The following PCDHGA10 variants were observed in gnomAD, a reference collection of about 807,000 sequenced individuals.
The protein encoded by PCDHGA10 is protocadherin gamma subfamily A, 10, also known as protocadherin gamma-A10.
In PCDHGA10, 42 loss-of-function variants were observed where a neutral mutation model predicts 59.5. The observed-to-expected ratio is 0.71, with a 90% CI of 0.55 to 0.91. The LOEUF (loss-of-function observed/expected upper bound fraction) is 0.91. Among genes scored for constraint, PCDHGA10 ranks in the 40% least tolerant of loss-of-function variants. PCDHGA10 has a pLI of 0.00. For missense variants in PCDHGA10, 1,111 were observed against 1,198.2 expected (o/e 0.93, Z 1.07); for synonymous variants, 511 against 517.2 (o/e 0.99, Z 0.16).
chr5:141,422,869 T>A, intron 1 of PCDHGA10: 2 of 1,614,202 alleles, frequency 1.2e-6, no homozygotes, highest in Non-Finnish European at 1.7e-6. Context: ...CAGCAACGTG[T>A]CGCTGAGCCT....
chr5:141,478,672 A>G (rs1216792401), intron 1 of PCDHGA10: 22 of 1,551,540 alleles, frequency 1.4e-5, no homozygotes, highest in Admixed American at 2.0e-5. Flanking sequence ...CACACTTTCA[A>G]CTGGCCCTTC....
At chr5:141,421,257 C>T (rs944057868) in intron 1 of PCDHGA10, 1 of 1,608,520 alleles carries the variant, frequency 6.2e-7, no homozygotes, top group African/African-American at 1.3e-5. Context: ...GCGGGGACCG[C>T]AGTCGGCTGC....
In PCDHGA10 at chr5:141,491,225, T is replaced by G. The variant is rs764111440; in HGVS notation, c.2437-3582T>G. The stretch of plus-strand genomic sequence containing the variant: ...CCTTCACTCTCCTCCACAGCCACAG[T>G]GCTGCTGGTTCTGGAGGATGAGGAC... On this transcript the variant is annotated intron_variant, in intron 1 of 3. Transcript: ENST00000398610. This position sits in a 1 kb window ranked among gnomAD's most constrained non-coding sequence, Gnocchi z 6.9. 6.2e-7 allele frequency: 1 copy of G among 1,614,232 alleles called. No individual in the cohort carries two copies. Among genetic ancestry groups the G allele is most frequent in the Non-Finnish European group, 8.5e-7 (1 of 1,180,028 alleles).
At chr5:141,501,016 G>A (rs1042009106) in intron 2 of PCDHGA10, among the ~76,000 whole-genome samples, 7 of 151,716 alleles carry the variant, frequency 4.6e-5, no homozygotes, top group Non-Finnish European at 1.0e-4. Context: ...CTACAGGCAC[G>A]CGCCACCACG....
intron 1 of PCDHGA10, among the ~76,000 whole-genome samples, chr5:141,464,155 C>T (rs2099076990): frequency 1.3e-5 from 2 of 151,614 alleles, no homozygotes; most frequent in African/African-American, 4.8e-5. Flanking sequence ...GTCCCAGCTA[C>T]TTGGAAGGCT....
chr5:141,450,468 A>G (rs1187171122), intron 1 of PCDHGA10, among the ~76,000 whole-genome samples: 2 of 151,696 alleles, frequency 1.3e-5, no homozygotes, highest in African/African-American at 4.9e-5. Flanking sequence ...TTTTATATAT[A>G]GAGTTTGTTT....
chr5:141,428,658 T>G (rs932328483), intron 1 of PCDHGA10: 1 of 165,620 alleles, frequency 6.0e-6, no homozygotes, highest in Non-Finnish European at 1.3e-5. Flanking sequence ...TGAGTTCCAA[T>G]GAATGTCTTT....
intron 2 of PCDHGA10, among the ~76,000 whole-genome samples, chr5:141,502,478 A>G (rs2099814452): frequency 6.6e-6 from 1 of 150,896 alleles, no homozygotes; most frequent in Non-Finnish European, 1.5e-5. Flanking sequence ...CCGCAGCATC[A>G]CACTGGGACT....
At chr5:141,495,007 G>A in intron 2 of PCDHGA10, 142 bp downstream of exon 2, 4 of 1,522,158 alleles carry the variant, frequency 2.6e-6, no homozygotes, top group Non-Finnish European at 3.5e-6. Context: ...TTGGTGTGCG[G>A]GGGGCTGGCA....
In PCDHGA10 at chr5:141,429,386, T is replaced by A. The variant is rs534045300; in HGVS notation, c.2436+13775T>A. Among the ~76,000 whole-genome samples the A allele has an allele frequency of 4.0e-3, 602 of 151,936 alleles. 6 individuals carry two copies. The highest frequency in any genetic ancestry group is 0.011 in the Admixed American group (171 of 15,268). On this transcript the variant is annotated intron_variant, in intron 1 of 3. Coordinates refer to ENST00000398610, the MANE Select transcript of PCDHGA10 (RefSeq NM_018913.3). ...AAAATGGAGAAAATGTGTTTTTTTTTTAAAAAAAATTGAGATTAAGGTCTC... is the reference window on the plus strand; with the variant it reads ...AAAATGGAGAAAATGTGTTTTTTTTATAAAAAAAATTGAGATTAAGGTCTC...
intron 1 of PCDHGA10, among the ~76,000 whole-genome samples, chr5:141,472,131 A>C (rs565506002): frequency 6.6e-6 from 1 of 152,264 alleles, no homozygotes; most frequent in Non-Finnish European, 1.5e-5. Flanking sequence ...AGAGAAGTTA[A>C]AAATAAAAGT....
At chr5:141,430,980 T>C in intron 1 of PCDHGA10, 1 of 1,613,618 alleles carries the variant, frequency 6.2e-7, no homozygotes, top group African/African-American at 1.3e-5. Context: ...AGGACGCAGC[T>C]TTTCGCCCTG....
At position 141,505,629 on chromosome 5, in the gene PCDHGA10, C is replaced by T. The variant is rs1475582931; in HGVS notation, c.2584+148C>T. 7.4e-6 allele frequency: 11 copies of T among 1,482,192 alleles called. No individual in the cohort carries two copies. The African/African-American group carries it at 9.8e-5, about 13-fold the overall frequency. The allele number at this position is 1,482,192 out of a possible 1,614,324, so 91.8% of individuals were successfully genotyped here. ...GTCTGAAAGGACCCACAATTCCAAACATAAAGCCTGGAATTGTGGCTAAGG... is the reference window on the plus strand; with the variant it reads ...GTCTGAAAGGACCCACAATTCCAAATATAAAGCCTGGAATTGTGGCTAAGG... On this transcript the variant is annotated intron_variant, in intron 3 of 3. Coordinates refer to ENST00000398610, the MANE Select transcript of PCDHGA10 (RefSeq NM_018913.3).
At chr5:141,423,025 G>A in intron 1 of PCDHGA10, 1 of 1,614,222 alleles carries the variant, frequency 6.2e-7, no homozygotes, top group Non-Finnish European at 8.5e-7. Context: ...CAAAGATTCA[G>A]GCCAGAACGC....
intron 1 of PCDHGA10, chr5:141,428,285 C>CA (rs2097130658): frequency 2.7e-6 from 2 of 734,934 alleles, no homozygotes; most frequent in Non-Finnish European, 4.7e-6. Context: ...GATTCCCAAG[C>CA]AAAGCTGCAG....
chr5:141,507,202 C>G (rs2099859138), intron 3 of PCDHGA10: 1 of 152,356 alleles, frequency 6.6e-6, no homozygotes, highest in Non-Finnish European at 1.5e-5. Flanking sequence ...TCTTCCAGAT[C>G]AGGGTTGCCA....
At chr5:141,454,811 T>TTTTTA (rs1284435092) in intron 1 of PCDHGA10, among the ~76,000 whole-genome samples, 4 of 125,862 alleles carry the variant, frequency 3.2e-5, no homozygotes, top group African/African-American at 1.3e-4. Context: ...TTTTTTTTTT[T>TTTTTA]TTTTTTTTTT....
chr5:141,434,073 A>G (rs1372471160), intron 1 of PCDHGA10, among the ~76,000 whole-genome samples: 2 of 152,058 alleles, frequency 1.3e-5, no homozygotes, highest in African/African-American at 4.8e-5. Flanking sequence ...GTTAATATCA[A>G]TTATTTATTT....
chr5:141,486,146 G>T lies in PCDHGA10; in HGVS notation c.2437-8661G>T. Reference sequence around the variant, plus strand: ...TGAATTTGATGTGCGGGCTCGCGATGGGGGTTCTCCAGCCATGGAGCAACA... The same window carrying T: ...TGAATTTGATGTGCGGGCTCGCGATTGGGGTTCTCCAGCCATGGAGCAACA... On this transcript the variant is annotated intron_variant, in intron 1 of 3. Transcript: ENST00000398610. The surrounding 1 kb of genome is among the most constrained non-coding windows in gnomAD (Gnocchi z 5.0). 6.2e-7 allele frequency: 1 copy of T among 1,614,184 alleles called. No homozygotes were observed. The highest frequency in any genetic ancestry group is 8.5e-7 in the Non-Finnish European group (1 of 1,180,032).
Sources: gnomAD v4.1 joint callset for allele counts (sites outside exome capture counted in the v4.1 genomes callset) on GRCh38, gnomAD v4.1.1 for gene constraint, Gnocchi (gnomAD v3.1) non-coding constraint, MANE v1.5 for transcripts, NCBI Gene and HGNC (gene_info 2026-07-23, HGNC 2026-07-21) for gene names.